The following PABPC4L variants were observed in gnomAD, a reference collection of about 807,000 sequenced individuals.
The protein encoded by PABPC4L is polyadenylate-binding protein 4-like.
For missense variants in PABPC4L, 452 were observed against 451.4 expected, an observed-to-expected ratio of 1.00 and a Z score of -0.01; for synonymous variants, 169 against 164.1, an observed-to-expected ratio of 1.03 and a Z score of -0.23.
the PABPC4L span, among the ~76,000 whole-genome samples, chr4:134,084,625 A>T: frequency 6.6e-6 from 1 of 152,180 alleles, no homozygotes; most frequent in South Asian, 2.1e-4. Flanking sequence ...ACAGAAAAAG[A>T]AAGGAAGAAA....
the PABPC4L span, among the ~76,000 whole-genome samples, chr4:134,093,575 T>TA: frequency 2.7e-5 from 4 of 150,174 alleles, no homozygotes; most frequent in Non-Finnish European, 5.9e-5. Context: ...CTTTCTCTTT[T>TA]TTTTTTTTCT....
chr4:134,112,654 T>C, the PABPC4L span, among the ~76,000 whole-genome samples: 157 of 151,972 alleles, frequency 1.0e-3, no homozygotes, highest in Non-Finnish European at 1.9e-3. Context: ...TCTACATCTA[T>C]ACATATATGC....
chr4:133,955,628 C>T, the PABPC4L span, among the ~76,000 whole-genome samples: 4 of 152,130 alleles, frequency 2.6e-5, no homozygotes, highest in South Asian at 4.1e-4. Context: ...AGAAAAATTA[C>T]ATTTTGTAAA....
At chr4:134,115,324 G>A in the PABPC4L span, among the ~76,000 whole-genome samples, 2 of 151,782 alleles carry the variant, frequency 1.3e-5, no homozygotes, top group East Asian at 3.9e-4. Flanking sequence ...TACTATGAAA[G>A]GTAGTCAATT....
At chr4:134,125,295 A>G in the PABPC4L span, among the ~76,000 whole-genome samples, 1 of 151,964 alleles carries the variant, frequency 6.6e-6, no homozygotes, top group East Asian at 1.9e-4. Context: ...TTTCCGTCAA[A>G]TATCAACATC....
At chr4:134,118,909 G>A in the PABPC4L span, among the ~76,000 whole-genome samples, 2 of 151,674 alleles carry the variant, frequency 1.3e-5, no homozygotes, top group African/African-American at 4.8e-5. Context: ...ATTTTATAAA[G>A]CAAATTATTG....
At chr4:134,060,890 T>C in the PABPC4L span, among the ~76,000 whole-genome samples, 4 of 151,812 alleles carry the variant, frequency 2.6e-5, no homozygotes, top group Non-Finnish European at 5.9e-5. Flanking sequence ...CTCATGAAGA[T>C]AGAGAGTGAG....
the PABPC4L span, among the ~76,000 whole-genome samples, chr4:133,963,911 A>T: frequency 6.6e-6 from 1 of 152,144 alleles, no homozygotes; most frequent in Non-Finnish European, 1.5e-5. Context: ...TCACACCTCA[A>T]GGAACTAGAG....
the PABPC4L span, among the ~76,000 whole-genome samples, chr4:134,142,942 C>G: frequency 0.074 from 11,280 of 151,548 alleles, 569 homozygotes; most frequent in South Asian, 0.13. Context: ...CTTGTGGAGC[C>G]GTGGATATGG....
chr4:134,172,962 T>G, the PABPC4L span, among the ~76,000 whole-genome samples: 1 of 151,622 alleles, frequency 6.6e-6, no homozygotes, highest in South Asian at 2.1e-4. Context: ...TGAAAAAATG[T>G]TCAACATCAT....
the PABPC4L span, among the ~76,000 whole-genome samples, chr4:134,148,344 G>A: frequency 6.6e-6 from 1 of 152,038 alleles, no homozygotes. Context: ...CTTTTTAAGG[G>A]ATGGTCAAAA....
At chr4:134,093,731 T>C in the PABPC4L span, among the ~76,000 whole-genome samples, 1 of 151,538 alleles carries the variant, frequency 6.6e-6, no homozygotes, top group African/African-American at 2.4e-5. Context: ...AATGATTAAA[T>C]TCATGGCTTG....
At chr4:134,032,613 A>T in the PABPC4L span, among the ~76,000 whole-genome samples, 1 of 151,944 alleles carries the variant, frequency 6.6e-6, no homozygotes, top group South Asian at 2.1e-4. Context: ...AATTAAAAGA[A>T]GTAAGCAAAA....
chr4:134,153,357 G>GTATA, the PABPC4L span, among the ~76,000 whole-genome samples: 30 of 150,100 alleles, frequency 2.0e-4, no homozygotes, highest in African/African-American at 7.1e-4. Context: ...AAGTATGTGT[G>GTATA]TATATATATA....
At chr4:134,050,880 A>ATTTTTTT in the PABPC4L span, among the ~76,000 whole-genome samples, 2 of 134,728 alleles carry the variant, frequency 1.5e-5, no homozygotes, top group African/African-American at 2.8e-5. Flanking sequence ...ATTGACCTTT[A>ATTTTTTT]TTTTTTTTTT....
At chr4:134,180,960 A>G in the PABPC4L span, among the ~76,000 whole-genome samples, 1 of 151,978 alleles carries the variant, frequency 6.6e-6, no homozygotes, top group Non-Finnish European at 1.5e-5. Context: ...AATAAAGGAG[A>G]GGTGGTAACA....
chr4:133,996,117 G>A, the PABPC4L span, among the ~76,000 whole-genome samples: 1 of 152,068 alleles, frequency 6.6e-6, no homozygotes, highest in Non-Finnish European at 1.5e-5. Flanking sequence ...TTGCAGGAGG[G>A]GGCTCAGGCA....
chr4:134,081,027 C>CCCG, the PABPC4L span, among the ~76,000 whole-genome samples: 2 of 152,052 alleles, frequency 1.3e-5, no homozygotes, highest in African/African-American at 4.8e-5. Flanking sequence ...TTATAGACAT[C>CCCG]TAATATATTC....
the PABPC4L span, among the ~76,000 whole-genome samples, chr4:133,987,520 T>C: frequency 1.3e-5 from 2 of 152,106 alleles, no homozygotes; most frequent in Non-Finnish European, 2.9e-5. Context: ...TTCACTTCTC[T>C]GAAATGAATA....
Sources: allele counts gnomAD v4.1 joint callset (sites outside exome capture counted in the v4.1 genomes callset), GRCh38; gene constraint gnomAD v4.1.1; transcripts MANE v1.5; gene names NCBI Gene and HGNC (gene_info 2026-07-23, HGNC 2026-07-21).